Variants in NRG3 observed in about 807,000 individuals in gnomAD.
The protein encoded by NRG3 is neuregulin 3, also known as pro-neuregulin-3, membrane-bound isoform.
A neutral mutation model predicts 66.9 loss-of-function variants in NRG3; 31 were observed. The observed-to-expected ratio is 0.46, with a 90% CI of 0.35 to 0.63. The LOEUF (loss-of-function observed/expected upper bound fraction) is 0.63. Among genes scored for constraint, NRG3 ranks in the 20% least tolerant of loss-of-function variants. The pLI is 0.00. For missense variants in NRG3, 910 were observed against 878.9 expected, an observed-to-expected ratio of 1.04 and a Z score of -0.45; for synonymous variants, 393 against 359.4, an observed-to-expected ratio of 1.09 and a Z score of -1.06.
intron 1 of NRG3, among the ~76,000 whole-genome samples, chr10:81,975,105 G>GA (rs139211873): frequency 0.021 from 3,099 of 144,548 alleles, 98 homozygotes; most frequent in African/African-American, 0.069. Flanking sequence ...GAAAGGCTTT[G>GA]AAAAAAAAAA....
intron 2 of NRG3, among the ~76,000 whole-genome samples, chr10:82,579,832 GA>G (rs1293479709): frequency 2.0e-5 from 3 of 151,796 alleles, no homozygotes; most frequent in Non-Finnish European, 2.9e-5. Context: ...TAATCATTGG[GA>G]AAAAATCTTA....
chr10:82,755,823 C>G (rs1288517474), intron 3 of NRG3, among the ~76,000 whole-genome samples: 1 of 152,102 alleles, frequency 6.6e-6, no homozygotes, highest in African/African-American at 2.4e-5. Flanking sequence ...ACACCATCTA[C>G]TTCACATTTT....
intron 4 of NRG3, among the ~76,000 whole-genome samples, chr10:82,931,531 T>A (rs1847576637): frequency 6.6e-6 from 1 of 152,216 alleles, no homozygotes; most frequent in African/African-American, 2.4e-5. Context: ...TATTAAATAT[T>A]CAATAGTGGA....
chr10:82,789,608 A>T (rs1449061832), intron 3 of NRG3, among the ~76,000 whole-genome samples: 2 of 152,012 alleles, frequency 1.3e-5, no homozygotes, highest in African/African-American at 4.8e-5. Context: ...AGATAGCATA[A>T]AGTTGGATCA....
At chr10:82,722,842 T>C (rs1280585212) in intron 2 of NRG3, among the ~76,000 whole-genome samples, 1 of 152,190 alleles carries the variant, frequency 6.6e-6, no homozygotes, top group Non-Finnish European at 1.5e-5. Flanking sequence ...CCAAAGTTGG[T>C]CTTCATGACA....
At chr10:82,670,625 T>C (rs1397086856) in intron 2 of NRG3, among the ~76,000 whole-genome samples, 2 of 152,110 alleles carry the variant, frequency 1.3e-5, no homozygotes, top group Non-Finnish European at 2.9e-5. Flanking sequence ...AAAGGACATA[T>C]GTAAAGAGAA....
rs1226594026 is a variant in NRG3, at chr10:82,199,129, A to G, written c.824-159610A>G. Among the ~76,000 whole-genome samples, 6 of 147,646 alleles carry G rather than the reference A, an allele frequency of 4.1e-5. 2 individuals carry two copies. The South Asian group carries it at 8.6e-4, about 21-fold the overall frequency. On this transcript the variant is annotated intron_variant, in intron 1 of 8. Coordinates refer to ENST00000372141, the MANE Select transcript of NRG3 (RefSeq NM_001010848.4). The stretch of plus-strand genomic sequence containing the variant: ...GGTTGCAGTGAGCTGAGACCTTGCT[A>G]CCCCTGCACTCCAGCTTGGGTGACA...
At chr10:82,031,323 A>C (rs1472766490) in intron 1 of NRG3, among the ~76,000 whole-genome samples, 1 of 152,126 alleles carries the variant, frequency 6.6e-6, no homozygotes, top group Non-Finnish European at 1.5e-5. Context: ...TGTAAAGTGG[A>C]TACTCTCTAG....
chr10:82,744,195 A>G (rs1325693256), intron 3 of NRG3, among the ~76,000 whole-genome samples: 1 of 152,206 alleles, frequency 6.6e-6, no homozygotes, highest in East Asian at 1.9e-4. Flanking sequence ...AATTAAGCAT[A>G]TGTAACATAT....
chr10:82,877,371 CTTTTTTT>C (rs59994503), intron 4 of NRG3, among the ~76,000 whole-genome samples: 1 of 79,000 alleles, frequency 1.3e-5, no homozygotes, highest in Non-Finnish European at 2.3e-5. Context: ...ATAGGGCAGA[CTTTTTTT>C]TTTTTTTTTT....
At chr10:82,448,861 T>A (rs760280321) in intron 2 of NRG3, among the ~76,000 whole-genome samples, 2 of 152,206 alleles carry the variant, frequency 1.3e-5, no homozygotes, top group Non-Finnish European at 2.9e-5. Flanking sequence ...TGTATAACAT[T>A]GACTATCCCA....
chr10:82,147,457 T>A (rs1203553918), intron 1 of NRG3, among the ~76,000 whole-genome samples: 1 of 152,202 alleles, frequency 6.6e-6, no homozygotes, highest in Non-Finnish European at 1.5e-5. Flanking sequence ...AAAAATAGAT[T>A]TGTTGAGAAT....
intron 4 of NRG3, among the ~76,000 whole-genome samples, chr10:82,951,229 C>T (rs1283077004): frequency 6.6e-6 from 1 of 152,160 alleles, no homozygotes; most frequent in Non-Finnish European, 1.5e-5. Context: ...AATCTGTAAT[C>T]GCAATATCTG....
At chr10:82,458,758 A>G (rs999373470) in intron 2 of NRG3, among the ~76,000 whole-genome samples, 1 of 152,178 alleles carries the variant, frequency 6.6e-6, no homozygotes, top group Non-Finnish European at 1.5e-5. Context: ...GAAAAAGGGA[A>G]GAAAGAATAT....
In NRG3 at chr10:82,362,079, C is replaced by CAAAAAAAAAAAAAAAAAAAAAAAA. The variant is rs58975630; in HGVS notation, c.953+3218_953+3241dup. 2.9e-4 allele frequency among the ~76,000 whole-genome samples: 4 copies of CAAAAAAAAAAAAAAAAAAAAAAAA among 13,930 alleles called. 1 individual carries two copies. The highest frequency in any genetic ancestry group is 3.7e-4 in the Non-Finnish European group (2 of 5,428). The allele number at this position is 13,930 out of a possible 152,430, so 9.1% of individuals were successfully genotyped here. ...GTGATAGAAATCCTGAAAGTACATGCAAAAAAAAAAAAAAAAAAAAAAAAA... is the reference window on the plus strand; with the variant it reads ...GTGATAGAAATCCTGAAAGTACATGCAAAAAAAAAAAAAAAAAAAAAAAAAAAAAAAAAAAAAAAAAAAAAAAAA... On this transcript the variant is annotated intron_variant, in intron 2 of 8. Coordinates refer to ENST00000372141, the MANE Select transcript of NRG3 (RefSeq NM_001010848.4).
At chr10:82,980,136 T>C (rs1852703398) in intron 8 of NRG3, among the ~76,000 whole-genome samples, 1 of 151,634 alleles carries the variant, frequency 6.6e-6, no homozygotes, top group African/African-American at 2.4e-5. Context: ...GCCTCAGAGG[T>C]GGAGGCTATA....
At position 82,695,366 on chromosome 10, in the gene NRG3, T is replaced by C. The variant is rs186403589; in HGVS notation, c.954-43211T>C. Among the ~76,000 whole-genome samples the C allele has an allele frequency of 1.6e-4, 25 of 152,236 alleles. 1 individual carries two copies. Among genetic ancestry groups the C allele is most frequent in the Admixed American group, 6.5e-4 (10 of 15,268 alleles). On this transcript the variant is annotated intron_variant, in intron 2 of 8. Coordinates refer to ENST00000372141, the MANE Select transcript of NRG3 (RefSeq NM_001010848.4). ...TACTAACATGTAAATTTCAGCATGA[T>C]ATATAAGACTAGAAAATTGAAACAC...
intron 1 of NRG3, among the ~76,000 whole-genome samples, chr10:82,279,245 A>G (rs1485824971): frequency 6.6e-6 from 1 of 152,166 alleles, no homozygotes; most frequent in Non-Finnish European, 1.5e-5. Flanking sequence ...TGAGGGAAGT[A>G]TCCCCTGGCC....
At chr10:82,576,163 T>C (rs1180229857) in intron 2 of NRG3, among the ~76,000 whole-genome samples, 1 of 151,692 alleles carries the variant, frequency 6.6e-6, no homozygotes, top group African/African-American at 2.4e-5. Flanking sequence ...TCCTCTGTTT[T>C]GTTTTGTTTT....
Sources: gnomAD v4.1 joint callset for allele counts (sites outside exome capture counted in the v4.1 genomes callset) on GRCh38, gnomAD v4.1.1 for gene constraint, MANE v1.5 for transcripts, NCBI Gene and HGNC (gene_info 2026-07-23, HGNC 2026-07-21) for gene names.